The following PDZRN4 variants were observed in gnomAD, a reference collection of about 807,000 sequenced individuals.
The protein encoded by PDZRN4 is PDZ domain-containing RING finger protein 4.
In PDZRN4, 70 loss-of-function variants were observed where a neutral mutation model predicts 99.0. The observed-to-expected ratio is 0.71, with a 90% CI of 0.58 to 0.86. The LOEUF (loss-of-function observed/expected upper bound fraction) is 0.86. PDZRN4 is among the 40% of genes least tolerant of loss of function. PDZRN4 has a pLI of 0.00. For synonymous variants in PDZRN4, 551 were observed against 501.6 expected (o/e 1.10, Z -1.32); for missense variants, 1,474 against 1,331.2 (o/e 1.11, Z -1.67).
intron 3 of PDZRN4, among the ~76,000 whole-genome samples, chr12:41,398,362 G>A (rs148972198): frequency 2.2e-4 from 34 of 151,986 alleles, no homozygotes; most frequent in African/African-American, 7.5e-4. Flanking sequence ...GAATGGGAAA[G>A]TGGGACAAAG....
chr12:41,275,088 A>G (rs1951341880), intron 3 of PDZRN4, among the ~76,000 whole-genome samples: 1 of 152,122 alleles, frequency 6.6e-6, no homozygotes, highest in Non-Finnish European at 1.5e-5. Flanking sequence ...TAACTCATGA[A>G]TAAGCTGAGA....
chr12:41,475,487 C>T (rs1395531923), intron 3 of PDZRN4, among the ~76,000 whole-genome samples: 2 of 152,148 alleles, frequency 1.3e-5, no homozygotes, highest in African/African-American at 4.8e-5. Context: ...ATCTAGAGCA[C>T]TTGATTGCTA....
rs189386396 is a variant in PDZRN4, at chr12:41,432,163, G to A, written c.844-74293G>A. 4.0e-3 allele frequency among the ~76,000 whole-genome samples: 608 copies of A among 152,264 alleles called. 2 individuals carry two copies. Among genetic ancestry groups the A allele is most frequent in the Non-Finnish European group, 7.3e-3 (493 of 68,000 alleles). On this transcript the variant is annotated intron_variant, in intron 3 of 9. Coordinates refer to ENST00000402685, the MANE Select transcript of PDZRN4 (RefSeq NM_001164595.2). ...AATTTGCTGATATGTAGAGCAGAACGTGAATTTAAACGTACAGATAGTGTA... is the reference window on the plus strand; with the variant it reads ...AATTTGCTGATATGTAGAGCAGAACATGAATTTAAACGTACAGATAGTGTA...
intron 3 of PDZRN4, among the ~76,000 whole-genome samples, chr12:41,335,091 G>T (rs1338149246): frequency 1.3e-5 from 2 of 151,848 alleles, no homozygotes; most frequent in African/African-American, 4.8e-5. Context: ...TAAATATAAA[G>T]GTATTTTAGG....
intron 7 of PDZRN4, among the ~76,000 whole-genome samples, chr12:41,557,020 A>G (rs1194472956): frequency 2.0e-5 from 3 of 151,986 alleles, no homozygotes; most frequent in Non-Finnish European, 4.4e-5. Flanking sequence ...GCATGGTGGC[A>G]GCCACCTGTA....
chr12:41,405,626 T>C (rs2120360510), intron 3 of PDZRN4, among the ~76,000 whole-genome samples: 1 of 152,328 alleles, frequency 6.6e-6, no homozygotes, highest in South Asian at 2.1e-4. Flanking sequence ...TAGATCATTA[T>C]GCCAAAAAGA....
chr12:41,369,316 TC>T (rs1267388028), intron 3 of PDZRN4, among the ~76,000 whole-genome samples: 1 of 152,128 alleles, frequency 6.6e-6, no homozygotes, highest in Non-Finnish European at 1.5e-5. Flanking sequence ...TGCCAATTCT[TC>T]CTTGTAGTTC....
At chr12:41,546,664 T>C (rs566993255) in intron 5 of PDZRN4, among the ~76,000 whole-genome samples, 17 of 152,184 alleles carry the variant, frequency 1.1e-4, no homozygotes, top group Non-Finnish European at 2.2e-4. Context: ...AAAAAAAAGA[T>C]ACTACATCTA....
Position 41,573,513 on chromosome 12 carries a change from A to C in PDZRN4, c.2734A>C (p.Lys912Gln), listed in dbSNP as rs1367727571. Residue 912 changes from lysine (K) to glutamine (Q), a missense_variant, in exon 10 of 10, where the codon AAG becomes CAG. Transcript: ENST00000402685. ...GAGACCCGTGCGAGACCGAATCCTG[A>C]AGGAACGTGCCTTAAAGATCAAGGA... ...TKRPVRDRILKERALKIKEER... is the reference protein window; with the variant it reads ...TKRPVRDRILQERALKIKEER... The C allele has an allele frequency of 6.2e-7, 1 of 1,614,010 alleles. No individual in the cohort carries two copies.
chr12:41,511,871 T>A (rs1002924753), intron 5 of PDZRN4, among the ~76,000 whole-genome samples: 2 of 152,146 alleles, frequency 1.3e-5, no homozygotes, highest in Non-Finnish European at 2.9e-5. Flanking sequence ...TAATTCTGTC[T>A]ATGTGTTGCA....
At chr12:41,408,847 C>T (rs1273853117) in intron 3 of PDZRN4, among the ~76,000 whole-genome samples, 1 of 151,870 alleles carries the variant, frequency 6.6e-6, no homozygotes. Context: ...CACTCTCTTG[C>T]TCTCTTTCTC....
chr12:41,239,829 TA>T (rs776072544), intron 3 of PDZRN4, among the ~76,000 whole-genome samples: 1 of 152,198 alleles, frequency 6.6e-6, no homozygotes, highest in Non-Finnish European at 1.5e-5. Flanking sequence ...TTGAAGAATA[TA>T]AAAGCACATA....
At chr12:41,511,305 A>G (rs1221344183) in intron 5 of PDZRN4, among the ~76,000 whole-genome samples, 4 of 152,006 alleles carry the variant, frequency 2.6e-5, no homozygotes, top group Admixed American at 2.6e-4. Context: ...ATTACAATAC[A>G]GACAGATTTC....
Position 41,477,827 on chromosome 12 carries a change from T to C in PDZRN4, c.844-28629T>C, listed in dbSNP as rs780649859. The C allele has an allele frequency of 1.4e-5, 18 of 1,296,286 alleles. No homozygotes were observed. In the African/African-American group the frequency reaches 1.8e-4, roughly 13 times the overall value. 80.3% of individuals were successfully genotyped at this position (1,296,286 alleles called of 1,614,324 possible). ...ATGCATGTGGTAATGATTTTGATTA[T>C]GAAATGCTTATCTTTGGATTTTTCT... On this transcript the variant is annotated intron_variant, in intron 3 of 9. Transcript: ENST00000402685.
intron 5 of PDZRN4, among the ~76,000 whole-genome samples, chr12:41,511,345 G>A (rs537399395): frequency 1.3e-5 from 2 of 151,984 alleles, no homozygotes; most frequent in Admixed American, 1.3e-4. Context: ...TACTGTAACT[G>A]AACCACAACC....
intron 3 of PDZRN4, among the ~76,000 whole-genome samples, chr12:41,376,543 G>T (rs1046226059): frequency 2.0e-5 from 3 of 152,034 alleles, no homozygotes; most frequent in Non-Finnish European, 4.4e-5. Context: ...AAAAATATCA[G>T]TTCAAGCCCT....
rs1473078932 is a variant in PDZRN4 at position 41,555,709 on chromosome 12, T to G, written c.1314T>G (p.Asn438Lys). The change falls in exon 7 of 10, where the codon AAT (asparagine) becomes AAG (lysine). Residue 438 changes from asparagine to lysine, a missense_variant. Physicochemically the swap from Asn to Lys is moderately conservative, Grantham distance 94. Coordinates refer to ENST00000402685, the MANE Select transcript of PDZRN4 (RefSeq NM_001164595.2). The stretch of plus-strand genomic sequence containing the variant: ...CCTCTTCATTACAGGTTGACCCAAA[T>G]AGCATTGCTGCCAAAGACGGCCGGA... ...TGIYVSEVDP[N>K]SIAAKDGRIR... The G allele has an allele frequency of 6.2e-7, 1 of 1,613,946 alleles. No individual in the cohort carries two copies.
intron 5 of PDZRN4, among the ~76,000 whole-genome samples, chr12:41,537,354 T>G (rs1938766613): frequency 6.6e-6 from 1 of 152,198 alleles, no homozygotes; most frequent in South Asian, 2.1e-4. Context: ...GATACAAAGC[T>G]GAATACATTT....
At chr12:41,343,382 C>A (rs1951830315) in intron 3 of PDZRN4, among the ~76,000 whole-genome samples, 1 of 151,880 alleles carries the variant, frequency 6.6e-6, no homozygotes. Context: ...TTTTGTTTAT[C>A]TTTTCAAGGA....
Sources: allele counts gnomAD v4.1 joint callset (sites outside exome capture counted in the v4.1 genomes callset), GRCh38; gene constraint gnomAD v4.1.1; transcripts MANE v1.5; gene names NCBI Gene and HGNC (gene_info 2026-07-23, HGNC 2026-07-21).